TSPAN5: variants seen among roughly 807,000 people sequenced by gnomAD.
TSPAN5 encodes tetraspanin-5.
Under a neutral mutation model 37.1 loss-of-function variants are expected in TSPAN5, and 10 were observed. The observed-to-expected ratio is 0.27, with a 90% CI of 0.17 to 0.46. The LOEUF (loss-of-function observed/expected upper bound fraction) is 0.46. TSPAN5 is among the 20% of genes least tolerant of loss of function. The pLI, the probability that TSPAN5 is intolerant of heterozygous loss-of-function variation, is 1.00. For synonymous variants in TSPAN5, 110 were observed against 118.9 expected, an observed-to-expected ratio of 0.93 and a Z score of 0.48; for missense variants, 195 against 326.6, an observed-to-expected ratio of 0.60 and a Z score of 3.11.
rs548572940 is a variant in TSPAN5, at chr4:98,547,619, T to G, written c.82-39891A>C. Among the ~76,000 whole-genome samples the G allele has an allele frequency of 4.6e-5, 7 of 152,282 alleles. No homozygotes were observed. The South Asian group carries it at 1.5e-3, about 32-fold the overall frequency. On this transcript the variant is annotated intron_variant, in intron 1 of 7. Coordinates refer to ENST00000305798, the MANE Select transcript of TSPAN5 (RefSeq NM_005723.4). ...AAAGTTCAGAACTATTTTCTGTCAGTGTTAAATATTTCCTATCAGTGGCTC... is the reference window on the plus strand; with the variant it reads ...AAAGTTCAGAACTATTTTCTGTCAGGGTTAAATATTTCCTATCAGTGGCTC...
chr4:98,471,903 T>A lies in TSPAN5; in HGVS notation c.*619A>T, dbSNP rs1752593112. On this transcript the variant is annotated 3_prime_UTR_variant, in exon 8 of 8. Transcript: ENST00000305798. ...TGCACATGAAATACACAACTTCTCTTATAAGGAGACTTTCCAGGATAGACC... is the reference window on the plus strand; with the variant it reads ...TGCACATGAAATACACAACTTCTCTAATAAGGAGACTTTCCAGGATAGACC... The A allele has an allele frequency of 6.6e-6, 1 of 152,222 alleles. No homozygotes were observed. Among genetic ancestry groups the A allele is most frequent in the Non-Finnish European group, 1.5e-5 (1 of 68,052 alleles). The allele number at this position is 152,222 out of a possible 1,614,324, so 9.4% of individuals were successfully genotyped here.
At chr4:98,548,886 G>GGTGT (rs142527701) in intron 1 of TSPAN5, among the ~76,000 whole-genome samples, 841 of 57,448 alleles carry the variant, frequency 0.015, 2 homozygotes, top group African/African-American at 0.022. Context: ...AGTATTCCAA[G>GGTGT]GTGTGTGTGT....
chr4:98,490,677 A>T (rs1016971039), intron 2 of TSPAN5, among the ~76,000 whole-genome samples: 1 of 152,218 alleles, frequency 6.6e-6, no homozygotes, highest in Non-Finnish European at 1.5e-5. Flanking sequence ...AACTAACTCA[A>T]ATCTTTTTTT....
At chr4:98,611,899 G>A (rs1031630006) in intron 1 of TSPAN5, among the ~76,000 whole-genome samples, 5 of 152,202 alleles carry the variant, frequency 3.3e-5, no homozygotes, top group African/African-American at 1.2e-4. Flanking sequence ...GGTGGCGAGT[G>A]GGCTGCATTT....
intron 1 of TSPAN5, among the ~76,000 whole-genome samples, chr4:98,595,142 T>G (rs1318933684): frequency 7.6e-5 from 8 of 105,642 alleles, no homozygotes; most frequent in Middle Eastern, 3.8e-3. Context: ...ATTCAGAGAT[T>G]CAACTTCTTC....
At chr4:98,555,124 C>T (rs1302095546) in intron 1 of TSPAN5, among the ~76,000 whole-genome samples, 2 of 152,154 alleles carry the variant, frequency 1.3e-5, no homozygotes, top group Admixed American at 6.5e-5. Flanking sequence ...TGGTACTGAA[C>T]ATGTCCAACT....
intron 1 of TSPAN5, among the ~76,000 whole-genome samples, chr4:98,600,269 C>T (rs1054619914): frequency 6.6e-6 from 1 of 152,104 alleles, no homozygotes; most frequent in Non-Finnish European, 1.5e-5. Flanking sequence ...GGTGGTGGCG[C>T]TGAAGGTTGG....
At chr4:98,612,073 C>T (rs919531948) in intron 1 of TSPAN5, among the ~76,000 whole-genome samples, 7 of 152,216 alleles carry the variant, frequency 4.6e-5, no homozygotes, top group African/African-American at 1.7e-4. Context: ...TCTACACAGA[C>T]ACTGTCACCT....
At chr4:98,562,552 TCAGGAGGCTGAGG>T (rs2110170434) in intron 1 of TSPAN5, among the ~76,000 whole-genome samples, 1 of 152,168 alleles carries the variant, frequency 6.6e-6, no homozygotes, top group East Asian at 1.9e-4. Context: ...TCCCAGCTAC[TCAGGAGGCTGAGG>T]CAGGAGAACT....
At chr4:98,534,489 T>C (rs1754187905) in intron 1 of TSPAN5, among the ~76,000 whole-genome samples, 1 of 152,320 alleles carries the variant, frequency 6.6e-6, no homozygotes, top group East Asian at 1.9e-4. Flanking sequence ...GAATGTATAT[T>C]CTGTTGATTT....
chr4:98,604,588 T>C (rs1339682933), intron 1 of TSPAN5, among the ~76,000 whole-genome samples: 1 of 152,262 alleles, frequency 6.6e-6, no homozygotes, highest in Non-Finnish European at 1.5e-5. Flanking sequence ...GTGGGATTTA[T>C]ACTTGAATAC....
intron 1 of TSPAN5, among the ~76,000 whole-genome samples, chr4:98,533,539 ATATCTTTTT>A (rs1754149286): frequency 2.6e-5 from 1 of 38,114 alleles, no homozygotes; most frequent in African/African-American, 1.8e-4. Flanking sequence ...GATATCCCCT[ATATCTTTTT>A]TTTTTTTTTT....
chr4:98,575,380 A>T (rs1312752280), intron 1 of TSPAN5, among the ~76,000 whole-genome samples: 10 of 144,750 alleles, frequency 6.9e-5, no homozygotes, highest in South Asian at 2.2e-4. Flanking sequence ...TTTTTTTTTT[A>T]AAGCCCATAC....
intron 1 of TSPAN5, among the ~76,000 whole-genome samples, chr4:98,572,804 C>T (rs1547382): frequency 0.099 from 15,087 of 152,242 alleles, 853 homozygotes; most frequent in South Asian, 0.25. Flanking sequence ...ATTTCCCTCA[C>T]GTAGCACCTC....
At chr4:98,528,414 A>ATTTTTTTT (rs10680446) in intron 1 of TSPAN5, among the ~76,000 whole-genome samples, 1 of 143,752 alleles carries the variant, frequency 7.0e-6, no homozygotes, top group Non-Finnish European at 1.5e-5. Flanking sequence ...GTAACAGATG[A>ATTTTTTTT]TTTTTTTTTT....
intron 1 of TSPAN5, among the ~76,000 whole-genome samples, chr4:98,640,938 C>T (rs871474): frequency 0.17 from 26,436 of 151,982 alleles, 2,623 homozygotes; most frequent in South Asian, 0.32. Flanking sequence ...TCCTAGAGGT[C>T]GCCACTAATA....
intron 1 of TSPAN5, among the ~76,000 whole-genome samples, chr4:98,540,943 A>G (rs1047940464): frequency 2.0e-5 from 3 of 152,222 alleles, no homozygotes; most frequent in African/African-American, 7.2e-5. Flanking sequence ...AACTGTGGTT[A>G]AACAACTGCA....
intron 1 of TSPAN5, among the ~76,000 whole-genome samples, chr4:98,543,549 G>A (rs1237893871): frequency 6.6e-6 from 1 of 151,536 alleles, no homozygotes; most frequent in Middle Eastern, 3.2e-3. Flanking sequence ...CCAAGTAGCT[G>A]GGATTACAGG....
intron 1 of TSPAN5, among the ~76,000 whole-genome samples, chr4:98,626,242 T>C (rs975363230): frequency 6.6e-6 from 1 of 152,158 alleles, no homozygotes; most frequent in Admixed American, 6.5e-5. Context: ...TCTTATGTAT[T>C]CTAAAGGTTG....
Sources: allele counts gnomAD v4.1 joint callset (sites outside exome capture counted in the v4.1 genomes callset), GRCh38; gene constraint gnomAD v4.1.1; transcripts MANE v1.5; gene names NCBI Gene and HGNC (gene_info 2026-07-23, HGNC 2026-07-21).